The following CACNB2 variants were observed in gnomAD, a reference collection of about 807,000 sequenced individuals.
CACNB2 encodes voltage-dependent L-type calcium channel subunit beta-2.
In CACNB2, 42 loss-of-function variants were observed where a neutral mutation model predicts 73.3. That is an observed-to-expected ratio of 0.57 (90% CI 0.45 to 0.74). CACNB2 has a LOEUF of 0.74. Among genes scored for constraint, CACNB2 ranks in the 30% least tolerant of loss-of-function variants. The pLI, the probability that CACNB2 is intolerant of heterozygous loss-of-function variation, is 0.00. For missense variants in CACNB2, 940 were observed against 853.0 expected, an observed-to-expected ratio of 1.10 and a Z score of -1.27; for synonymous variants, 348 against 310.3, an observed-to-expected ratio of 1.12 and a Z score of -1.28.
rs71402148 is a variant in CACNB2, at chr10:18,150,855, CTTTTTTTT to C, written c.121-10_121-3del. 3.3e-3 allele frequency: 1,574 copies of C among 484,206 alleles called. 1 individual carries two copies. The highest frequency in any genetic ancestry group is 0.018 in the African/African-American group (401 of 22,282). The allele number at this position is 484,206 out of a possible 1,614,324, so 30.0% of individuals were successfully genotyped here. ...AGGGTCTCATAATAATCTTATTTGT[CTTTTTTTT>C]TTTTTTTTTTTTTTTTTAGTCATAT... On this transcript the variant is annotated intron_variant, in intron 1 of 13. Transcript: ENST00000324631.
intron 2 of CACNB2, among the ~76,000 whole-genome samples, chr10:18,259,574 A>C (rs2037441374): frequency 7.2e-6 from 1 of 139,500 alleles, no homozygotes; most frequent in Admixed American, 7.1e-5. Context: ...CAAAAAAAAA[A>C]AGTAAAAGTA....
chr10:18,352,702 C>A (rs1564460456), intron 2 of CACNB2, among the ~76,000 whole-genome samples: 1 of 152,124 alleles, frequency 6.6e-6, no homozygotes, highest in Non-Finnish European at 1.5e-5. Flanking sequence ...TCAAGGAACA[C>A]TTAGAGGAAA....
intron 3 of CACNB2, among the ~76,000 whole-genome samples, chr10:18,417,915 G>A (rs545379960): frequency 2.6e-4 from 36 of 136,608 alleles, no homozygotes; most frequent in African/African-American, 9.0e-4. Context: ...TTGCCTATTC[G>A]TAAGGGGAAA....
intron 2 of CACNB2, among the ~76,000 whole-genome samples, chr10:18,249,598 C>G (rs142597626): frequency 1.3e-5 from 2 of 152,262 alleles, no homozygotes; most frequent in African/African-American, 4.8e-5. Flanking sequence ...CTCTACCTGA[C>G]CAGATCTGAT....
intron 6 of CACNB2, among the ~76,000 whole-genome samples, chr10:18,508,554 C>T (rs1406721030): frequency 6.6e-6 from 1 of 152,178 alleles, no homozygotes; most frequent in Non-Finnish European, 1.5e-5. Flanking sequence ...GCAGTTCTGC[C>T]TGCAAATGTC....
intron 2 of CACNB2, among the ~76,000 whole-genome samples, chr10:18,342,018 C>T (rs919876216): frequency 2.6e-5 from 4 of 152,030 alleles, no homozygotes; most frequent in South Asian, 2.1e-4. Flanking sequence ...TAATTATCAA[C>T]GGTTTCTGGG....
chr10:18,289,281 C>CTTTTTTTTTTTTT (rs1564407541), intron 2 of CACNB2, among the ~76,000 whole-genome samples: 3 of 96,940 alleles, frequency 3.1e-5, no homozygotes, highest in African/African-American at 1.1e-4. Flanking sequence ...ATTTTTTTTT[C>CTTTTTTTTTTTTT]TTGTTTTTTT....
At chr10:18,339,584 A>C (rs1206990841) in intron 2 of CACNB2, among the ~76,000 whole-genome samples, 1 of 152,200 alleles carries the variant, frequency 6.6e-6, no homozygotes, top group Non-Finnish European at 1.5e-5. Context: ...TCTGCATCAC[A>C]GGCTTACAAA....
chr10:18,220,110 A>AT (rs2035675954), intron 2 of CACNB2, among the ~76,000 whole-genome samples: 5 of 32,756 alleles, frequency 1.5e-4, no homozygotes, highest in East Asian at 1.9e-3. Context: ...TTTATTTTTT[A>AT]ATATATATAT....
At chr10:18,404,825 C>T (rs2044196813) in intron 3 of CACNB2, among the ~76,000 whole-genome samples, 2 of 152,208 alleles carry the variant, frequency 1.3e-5, no homozygotes. Flanking sequence ...GTACTCTGTG[C>T]TGTCAATAAA....
At chr10:18,171,672 G>C (rs1292641000) in intron 2 of CACNB2, among the ~76,000 whole-genome samples, 2 of 150,182 alleles carry the variant, frequency 1.3e-5, no homozygotes, top group Non-Finnish European at 2.9e-5. Flanking sequence ...GGACTCATCT[G>C]TTTGGACAAG....
chr10:18,208,400 C>T (rs904771773), intron 2 of CACNB2, among the ~76,000 whole-genome samples: 1 of 152,066 alleles, frequency 6.6e-6, no homozygotes, highest in African/African-American at 2.4e-5. Flanking sequence ...ATCGCTTGAG[C>T]CTGGGAGTTC....
At chr10:18,418,561 G>A (rs1015095099) in intron 3 of CACNB2, among the ~76,000 whole-genome samples, 4 of 152,226 alleles carry the variant, frequency 2.6e-5, no homozygotes, top group African/African-American at 9.6e-5. Context: ...GTATGTGCCT[G>A]TAACAGTAAC....
intron 2 of CACNB2, among the ~76,000 whole-genome samples, chr10:18,165,319 G>T (rs2032772883): frequency 6.6e-6 from 1 of 152,220 alleles, no homozygotes; most frequent in African/African-American, 2.4e-5. Context: ...GCTGGTGGCT[G>T]GCTGAGTCCA....
intron 3 of CACNB2, among the ~76,000 whole-genome samples, chr10:18,479,152 A>G (rs2048589650): frequency 6.6e-6 from 1 of 152,230 alleles, no homozygotes; most frequent in African/African-American, 2.4e-5. Context: ...GATCATTTAT[A>G]TATACACATA....
At chr10:18,207,197 C>T (rs928650493) in intron 2 of CACNB2, among the ~76,000 whole-genome samples, 2 of 152,064 alleles carry the variant, frequency 1.3e-5, no homozygotes, top group Non-Finnish European at 2.9e-5. Context: ...TTGGTAGAGA[C>T]AGGGTTTCAC....
intron 2 of CACNB2, among the ~76,000 whole-genome samples, chr10:18,235,015 C>T (rs1302616362): frequency 2.6e-5 from 4 of 151,766 alleles, no homozygotes; most frequent in African/African-American, 7.3e-5. Flanking sequence ...TGGTGGCGGG[C>T]GCCTGTAGTC....
At chr10:18,260,528 A>G (rs2037489014) in intron 2 of CACNB2, 2 of 985,444 alleles carry the variant, frequency 2.0e-6, no homozygotes, top group Admixed American at 6.1e-5. Flanking sequence ...CTTACAATTC[A>G]TGTGAAATAC....
chr10:18,519,199 G>GC (rs1417043103), intron 9 of CACNB2, among the ~76,000 whole-genome samples: 2 of 152,032 alleles, frequency 1.3e-5, no homozygotes, highest in African/African-American at 4.8e-5. Context: ...CTGACCTTGG[G>GC]CAGGACACCA....
Sources: gnomAD v4.1 joint callset for allele counts (sites outside exome capture counted in the v4.1 genomes callset) on GRCh38, gnomAD v4.1.1 for gene constraint, MANE v1.5 for transcripts, NCBI Gene and HGNC (gene_info 2026-07-23, HGNC 2026-07-21) for gene names.